CCDC40: variants seen among roughly 807,000 people sequenced by gnomAD.
The protein encoded by CCDC40 is coiled-coil domain 40 molecular ruler complex subunit.
In CCDC40, 104 loss-of-function variants were observed where a neutral mutation model predicts 124.5. That is an observed-to-expected ratio of 0.84 (90% CI 0.71 to 0.98). The LOEUF (loss-of-function observed/expected upper bound fraction) is 0.98, where lower values mean the gene tolerates loss of function less well. Among genes scored for constraint, CCDC40 ranks in the 50% least tolerant of loss-of-function variants. The pLI, the probability that CCDC40 is intolerant of heterozygous loss-of-function variation, is 0.00. For missense variants in CCDC40, 1,463 were observed against 1,503.9 expected (o/e 0.97, Z 0.45); for synonymous variants, 580 against 602.9 (o/e 0.96, Z 0.56).
intron 10 of CCDC40, among the ~76,000 whole-genome samples, chr17:80,079,946 C>T (rs934491233): frequency 1.3e-5 from 2 of 151,384 alleles, no homozygotes; most frequent in African/African-American, 2.4e-5. Context: ...TACTGGATGG[C>T]CAGGCGCAGT....
rs1483877024 is a variant in CCDC40 at position 80,086,092 on chromosome 17, G to A, written c.2325G>A (p.Val775=). 17 of 1,614,066 alleles carry A rather than the reference G, an allele frequency of 1.1e-5. No homozygotes were observed. In the Admixed American group the frequency reaches 2.0e-4, roughly 19 times the overall value. The stretch of plus-strand genomic sequence containing the variant: ...ATGGCAAGGCGGTCCAGGCCCAGGT[G>A]ACCTGGCTGCGCCTGCAGCAGGAGA... ...EHDGKAVQAQ[V]TWLRLQQEMV... is the part of the protein sequence containing the mutation. The change falls in exon 14 of 20, where the codon GTG becomes GTA. Residue 775 remains valine, a synonymous_variant. Coordinates refer to ENST00000397545, the MANE Select transcript of CCDC40 (RefSeq NM_017950.4). The surrounding 1 kb of genome is among the most constrained non-coding windows in gnomAD (Gnocchi z 5.5).
chr17:80,073,969 A>C (rs1472492785), intron 10 of CCDC40, among the ~76,000 whole-genome samples: 1 of 152,126 alleles, frequency 6.6e-6, no homozygotes, highest in African/African-American at 2.4e-5. Context: ...TACAAGTGTG[A>C]GCCAACGCTC....
rs375243889 is a variant in CCDC40, at chr17:80,091,794, T to C, written c.2832+1910T>C. Reference sequence around the variant, plus strand: ...GTTCTTTTTTTTTTCTTCTAGACTATGTTCCCAAAGGTGAGATTACTAGGT... The same window carrying C: ...GTTCTTTTTTTTTTCTTCTAGACTACGTTCCCAAAGGTGAGATTACTAGGT... On this transcript the variant is annotated intron_variant, in intron 17 of 19. Coordinates refer to ENST00000397545, the MANE Select transcript of CCDC40 (RefSeq NM_017950.4). 2.0e-4 allele frequency among the ~76,000 whole-genome samples: 30 copies of C among 152,206 alleles called. No homozygotes were observed. In the East Asian group the frequency reaches 2.5e-3, roughly 13 times the overall value.
intron 16 of CCDC40, 144 bp downstream of exon 16, chr17:80,088,246 T>C: frequency 1.4e-6 from 1 of 719,676 alleles, no homozygotes; most frequent in Non-Finnish European, 2.6e-6. Context: ...TGTTGTTTTG[T>C]TTTTTGTTTT....
At chr17:80,052,263 G>A (rs1226696641) in intron 7 of CCDC40, among the ~76,000 whole-genome samples, 1 of 152,226 alleles carries the variant, frequency 6.6e-6, no homozygotes, top group East Asian at 1.9e-4. Flanking sequence ...AGGCTGAGGA[G>A]CAAGGAGAGC....
chr17:80,094,103 A>G (rs2038763687), intron 17 of CCDC40, among the ~76,000 whole-genome samples: 1 of 152,026 alleles, frequency 6.6e-6, no homozygotes, highest in Non-Finnish European at 1.5e-5. Flanking sequence ...ATAAGATAAA[A>G]TATGCTTATT....
intron 9 of CCDC40, among the ~76,000 whole-genome samples, chr17:80,061,073 A>G (rs537166950): frequency 3.9e-5 from 6 of 152,274 alleles, no homozygotes; most frequent in African/African-American, 1.4e-4. Context: ...GGGCCGGGTA[A>G]GGTGGCTCAC....
At chr17:80,055,255 T>C (rs2037708384) in intron 7 of CCDC40, among the ~76,000 whole-genome samples, 1 of 151,994 alleles carries the variant, frequency 6.6e-6, no homozygotes, top group African/African-American at 2.4e-5. Flanking sequence ...GAGAAAGAAA[T>C]GAGATATGGA....
Position 80,087,929 on chromosome 17 carries a change from G to T in CCDC40, c.2620-82G>T. On this transcript the variant is annotated intron_variant, in intron 15 of 19. Transcript: ENST00000397545. The surrounding 1 kb of genome is among the most constrained non-coding windows in gnomAD (Gnocchi z 4.5). Reference sequence around the variant, plus strand: ...AATCCAGCCTGCAGCCCTGCCCTCGGTGCCGGGATAGAGGGCACCAGCCCC... The same window carrying T: ...AATCCAGCCTGCAGCCCTGCCCTCGTTGCCGGGATAGAGGGCACCAGCCCC... 1 of 1,307,614 alleles carries T rather than the reference G, an allele frequency of 7.6e-7. No individual in the cohort carries two copies. Among genetic ancestry groups the T allele is most frequent in the East Asian group, 2.3e-5 (1 of 43,516 alleles). The allele number at this position is 1,307,614 out of a possible 1,614,324, so 81.0% of individuals were successfully genotyped here.
At chr17:80,085,018 C>T in intron 13 of CCDC40, 30 bp downstream of exon 13, 1 of 1,610,998 alleles carries the variant, frequency 6.2e-7, no homozygotes, top group Non-Finnish European at 8.5e-7. Context: ...GACGTGGTCC[C>T]CGGCTGACTG....
Position 80,088,916 on chromosome 17 carries a change from G to T in CCDC40, c.2711+814G>T, listed in dbSNP as rs149305969. ...CTTGGTGGCAGTTCTTGAGCCAAAC[G>T]AGTTACTGCTAGAAATTGAAGGGTT... On this transcript the variant is annotated intron_variant, in intron 16 of 19. Transcript: ENST00000397545. Among the ~76,000 whole-genome samples the T allele has an allele frequency of 2.0e-3, 299 of 152,314 alleles. 1 individual carries two copies. The highest frequency in any genetic ancestry group is 6.8e-3 in the African/African-American group (284 of 41,566).
chr17:80,053,135 C>G (rs2037648539), intron 7 of CCDC40, among the ~76,000 whole-genome samples: 1 of 152,156 alleles, frequency 6.6e-6, no homozygotes, highest in Non-Finnish European at 1.5e-5. Context: ...TAGCCAATGT[C>G]CAGGAGAACA....
At chr17:80,077,982 C>CTTATTAAATATTTTCTTTCCTGAT (rs2038348673) in intron 10 of CCDC40, among the ~76,000 whole-genome samples, 1 of 152,124 alleles carries the variant, frequency 6.6e-6, no homozygotes, top group Non-Finnish European at 1.5e-5. Context: ...TGAAGTCCAA[C>CTTATTAAATATTTTCTTTCCTGAT]TTATTAAATA....
rs2037821800 is a variant in CCDC40 at position 80,058,867 on chromosome 17, G to A, written c.1327G>A (p.Val443Met). Residue 443 changes from valine to methionine, a missense_variant, in exon 9 of 20, where the codon GTG (valine) becomes ATG (methionine). Val to Met is a conservative substitution (Grantham distance 21). Transcript: ENST00000397545. The surrounding 1 kb of genome is among the most constrained non-coding windows in gnomAD (Gnocchi z 4.2). ...EIEKKKQDLY[V>M]DQLTTRAQQL... ...TCATCCTGTTTCCCAGGACCTGTATGTGGACCAGCTCACCACTCGAGCCCA... is the reference window on the plus strand; with the variant it reads ...TCATCCTGTTTCCCAGGACCTGTATATGGACCAGCTCACCACTCGAGCCCA... 6.2e-7 allele frequency: 1 copy of A among 1,614,062 alleles called. No homozygotes were observed.
rs745605296 is a variant in CCDC40, at chr17:80,058,661, A to C, written c.1317+10A>C. On this transcript the variant is annotated intron_variant, in intron 8 of 19. Coordinates refer to ENST00000397545, the MANE Select transcript of CCDC40 (RefSeq NM_017950.4). This position sits in a 1 kb window ranked among gnomAD's most constrained non-coding sequence, Gnocchi z 4.2. ...CGAGAAGAAAAAGCAGGTATTCTGC[A>C]AACTCGACACATGTTTAATGATCAC... The C allele has an allele frequency of 1.7e-5, 28 of 1,614,012 alleles. 1 individual carries two copies. In the South Asian group the frequency reaches 3.0e-4, roughly 17 times the overall value.
intron 10 of CCDC40, among the ~76,000 whole-genome samples, chr17:80,077,166 T>C (rs1404858161): frequency 6.6e-6 from 1 of 152,232 alleles, no homozygotes; most frequent in East Asian, 1.9e-4. Flanking sequence ...ACTTGCTTAA[T>C]TGCGGTGGCC....
At position 80,089,836 on chromosome 17, in the gene CCDC40, C is replaced by G. The variant is rs118143944; in HGVS notation, c.2784C>G (p.Ile928Met). 1.2e-6 allele frequency: 2 copies of G among 1,614,214 alleles called. No individual in the cohort carries two copies. The highest frequency in any genetic ancestry group is 1.1e-5 in the South Asian group (1 of 91,082). The change falls in exon 17 of 20, where the codon ATC (isoleucine) becomes ATG (methionine). Residue 928 changes from isoleucine to methionine, a missense_variant. Ile to Met is a conservative substitution (Grantham distance 10, BLOSUM62 1). Transcript: ENST00000397545. ...KEMRSSVDSE[I>M]GQTEIRAMKG... is the part of the protein sequence containing the mutation. ...TGCGTTCCTCAGTGGATTCCGAGAT[C>G]GGCCAGACGGAGATCCGGGCCATGA...
Position 80,052,383 on chromosome 17 carries a change from C to T in CCDC40, c.1159+2100C>T, listed in dbSNP as rs1598491711. On this transcript the variant is annotated intron_variant, in intron 7 of 19. Coordinates refer to ENST00000397545, the MANE Select transcript of CCDC40 (RefSeq NM_017950.4). ...GAGGCTACACCAGTCTCTCTTTTCA[C>T]ATTTTTCTGCCTGCTTACACTCTAG... Among the ~76,000 whole-genome samples the T allele has an allele frequency of 2.6e-5, 4 of 152,154 alleles. No homozygotes were observed. The South Asian group carries it at 8.3e-4, about 32-fold the overall frequency.
At chr17:80,079,600 A>G (rs1230013888) in intron 10 of CCDC40, among the ~76,000 whole-genome samples, 1 of 151,936 alleles carries the variant, frequency 6.6e-6, no homozygotes, top group African/African-American at 2.4e-5. Context: ...TCATCAGTGG[A>G]TCAATAAATA....
Sources: allele counts gnomAD v4.1 joint callset (sites outside exome capture counted in the v4.1 genomes callset), GRCh38; gene constraint gnomAD v4.1.1; non-coding constraint Gnocchi (gnomAD v3.1); transcripts MANE v1.5; gene names NCBI Gene and HGNC (gene_info 2026-07-23, HGNC 2026-07-21).